ARAP2: variants seen among roughly 807,000 people sequenced by gnomAD.
ARAP2 encodes arf-GAP with Rho-GAP domain, ANK repeat and PH domain-containing protein 2.
ARAP2 carries 148 observed loss-of-function variants against 194.5 expected under a neutral mutation model. The observed-to-expected ratio is 0.76, with a 90% CI of 0.67 to 0.87. The LOEUF (loss-of-function observed/expected upper bound fraction) is 0.87, where lower values mean the gene tolerates loss of function less well. Among genes scored for constraint, ARAP2 ranks in the 40% least tolerant of loss-of-function variants. ARAP2 has a pLI of 0.00. For synonymous variants in ARAP2, 695 were observed against 683.5 expected (o/e 1.02, Z -0.26); for missense variants, 2,128 against 1,989.7 (o/e 1.07, Z -1.32).
chr4:36,148,393 A>G lies in ARAP2; in HGVS notation c.3000+12T>C. 6.2e-7 allele frequency: 1 copy of G among 1,600,036 alleles called. No individual in the cohort carries two copies. Among genetic ancestry groups the G allele is most frequent in the Non-Finnish European group, 8.6e-7 (1 of 1,168,774 alleles). On this transcript the variant is annotated intron_variant, in intron 17 of 32. Transcript: ENST00000303965. ...TCTCTGGATTTAGAGCAGTAACATA[A>G]TATTTAAATACCTTGGCTATTGCCT...
chr4:36,019,305 C>T (rs534753537), intron 5 of ARAP2: 1 of 149,216 alleles, frequency 6.7e-6, no homozygotes, highest in African/African-American at 2.6e-5. Flanking sequence ...GGTTGGATAT[C>T]ACACATTATT....
chr4:36,010,275 TACATC>T (rs1190643200), intron 9 of ARAP2, among the ~76,000 whole-genome samples: 2 of 151,628 alleles, frequency 1.3e-5, no homozygotes, highest in African/African-American at 4.8e-5. Context: ...TAAATAAATA[TACATC>T]ACATATTACA....
At chr4:36,060,563 T>A (rs1350010709) in intron 1 of ARAP2, among the ~76,000 whole-genome samples, 1 of 152,166 alleles carries the variant, frequency 6.6e-6, no homozygotes, top group Non-Finnish European at 1.5e-5. Context: ...CTGCTCATCA[T>A]ATATCAATAT....
intron 9 of ARAP2, among the ~76,000 whole-genome samples, chr4:36,011,784 T>C (rs1714615256): frequency 6.6e-6 from 1 of 152,154 alleles, no homozygotes; most frequent in African/African-American, 2.4e-5. Flanking sequence ...TTTTAAAAGG[T>C]TGTAAACACA....
In ARAP2 at chr4:36,121,275, C is replaced by G; in HGVS notation, c.3798G>C (p.Leu1266Phe). ...TTTGAAACAAACAGGATGAAAAGAC[C>G]AAGGCCAAATTATGGGCATTCATGT... is the stretch of plus-strand genomic sequence containing the variant. ...INHMNAHNLA[L>F]VFSSCLFQTK... is the part of the protein sequence containing the mutation. The change falls in exon 23 of 33, where the codon TTG becomes TTC. Residue 1266 changes from leucine (L) to phenylalanine (F), a missense_variant. Coordinates refer to ENST00000303965, the MANE Select transcript of ARAP2 (RefSeq NM_015230.4). 6.2e-7 allele frequency: 1 copy of G among 1,604,934 alleles called. No individual in the cohort carries two copies. The highest frequency in any genetic ancestry group is 8.5e-7 in the Non-Finnish European group (1 of 1,174,770).
intron 27 of ARAP2, among the ~76,000 whole-genome samples, chr4:36,093,395 GAATT>G (rs1714290332): frequency 6.6e-6 from 1 of 151,886 alleles, no homozygotes. Flanking sequence ...GGAGAAAACA[GAATT>G]GATTTGAGAA....
intron 6 of ARAP2, among the ~76,000 whole-genome samples, chr4:36,207,197 C>T (rs1388763585): frequency 6.6e-6 from 1 of 152,186 alleles, no homozygotes; most frequent in Non-Finnish European, 1.5e-5. Context: ...ATATTTGCAT[C>T]TATGCAAATC....
At chr4:36,236,178 CA>C (rs35020862) in intron 1 of ARAP2, among the ~76,000 whole-genome samples, 48,274 of 119,042 alleles carry the variant, frequency 0.41, 8,270 homozygotes, top group Admixed American at 0.43. Flanking sequence ...GACCCTGTCT[CA>C]AAAAAAAAAA....
intron 19 of ARAP2, among the ~76,000 whole-genome samples, chr4:36,135,468 T>C (rs1726471288): frequency 6.6e-6 from 1 of 151,810 alleles, no homozygotes; most frequent in Non-Finnish European, 1.5e-5. Flanking sequence ...TCTTCATCTC[T>C]TGCTTTTTGA....
intron 7 of ARAP2, among the ~76,000 whole-genome samples, chr4:36,188,797 C>T (rs1741176647): frequency 6.6e-6 from 1 of 152,122 alleles, no homozygotes; most frequent in Non-Finnish European, 1.5e-5. Flanking sequence ...GGAGCAAGTA[C>T]TGAGTTTATA....
At chr4:36,012,575 G>A (rs1714762095) in exon 9 of ARAP2, 1 of 152,194 alleles carries the variant, frequency 6.6e-6, no homozygotes, top group Middle Eastern at 3.2e-3. Flanking sequence ...TCCACATCAA[G>A]TTTCTCATCC....
intron 10 of ARAP2, chr4:36,006,021 AGT>A (rs1435974904): frequency 6.6e-6 from 1 of 152,200 alleles, no homozygotes; most frequent in Non-Finnish European, 1.5e-5. Context: ...CAAGAAATAG[AGT>A]GTGCCAGGGA....
chr4:36,068,888 A>T (rs1726145691), intron 32 of ARAP2, among the ~76,000 whole-genome samples: 1 of 152,232 alleles, frequency 6.6e-6, no homozygotes, highest in Admixed American at 6.5e-5. Flanking sequence ...TGTAAAATGC[A>T]ATCCATGGAA....
intron 5 of ARAP2, among the ~76,000 whole-genome samples, chr4:36,034,156 A>G (rs980347139): frequency 6.6e-6 from 1 of 152,100 alleles, no homozygotes; most frequent in African/African-American, 2.4e-5. Context: ...CACAAATTTT[A>G]AAATAGGTGT....
At chr4:36,014,244 A>AGAAAGAAAGAAAGAAAGAAAGAAAGAAC (rs1715148511) in intron 8 of ARAP2, among the ~76,000 whole-genome samples, 1 of 129,566 alleles carries the variant, frequency 7.7e-6, no homozygotes, top group African/African-American at 3.0e-5. Context: ...AAAGAAAGAA[A>AGAAAGAAAGAAAGAAAGAAAGAAAGAAC]GAAAGAAAGA....
At chr4:36,094,992 T>C (rs1277441995) in intron 27 of ARAP2, among the ~76,000 whole-genome samples, 1 of 152,206 alleles carries the variant, frequency 6.6e-6, no homozygotes, top group East Asian at 1.9e-4. Flanking sequence ...ATGTTTGTCA[T>C]TAAAATCCAT....
chr4:36,059,072 T>C (rs1577689770), intron 1 of ARAP2, among the ~76,000 whole-genome samples: 1 of 152,164 alleles, frequency 6.6e-6, no homozygotes, highest in African/African-American at 2.4e-5. Context: ...AGGAACAGTA[T>C]GCTTATAGCA....
At chr4:36,234,099 T>A (rs747576485) in intron 1 of ARAP2, among the ~76,000 whole-genome samples, 3 of 152,208 alleles carry the variant, frequency 2.0e-5, no homozygotes, top group Non-Finnish European at 4.4e-5. Flanking sequence ...ACTAGAGAAT[T>A]GCGGTTTCTC....
At chr4:36,055,871 G>A (rs116144872) in intron 2 of ARAP2, among the ~76,000 whole-genome samples, 121 of 152,216 alleles carry the variant, frequency 7.9e-4, no homozygotes, top group African/African-American at 2.8e-3. Context: ...GCCAGTTTCA[G>A]GTACGTTTAT....
Sources: allele counts gnomAD v4.1 joint callset (sites outside exome capture counted in the v4.1 genomes callset), GRCh38; gene constraint gnomAD v4.1.1; transcripts MANE v1.5; gene names NCBI Gene and HGNC (gene_info 2026-07-23, HGNC 2026-07-21).